Variants in UNC5D observed in about 807,000 individuals in gnomAD.
UNC5D encodes netrin receptor UNC5D.
In UNC5D, 39 loss-of-function variants were observed where a neutral mutation model predicts 105.4. The observed-to-expected ratio is 0.37, with a 90% CI of 0.29 to 0.48. UNC5D has a LOEUF of 0.48. Ranked by LOEUF, UNC5D falls within the 20% of genes least tolerant of loss-of-function variation. UNC5D has a pLI of 0.98. For synonymous variants in UNC5D, 452 were observed against 450.4 expected, an observed-to-expected ratio of 1.00 and a Z score of -0.04; for missense variants, 991 against 1,202.4, an observed-to-expected ratio of 0.82 and a Z score of 2.60.
intron 1 of UNC5D, among the ~76,000 whole-genome samples, chr8:35,421,545 G>A (rs983739792): frequency 3.9e-5 from 6 of 152,126 alleles, no homozygotes; most frequent in African/African-American, 9.7e-5. Flanking sequence ...AATAGGAATT[G>A]TTGGTAATTC....
intron 11 of UNC5D, among the ~76,000 whole-genome samples, chr8:35,733,476 C>T (rs1159955497): frequency 1.3e-5 from 2 of 152,140 alleles, no homozygotes; most frequent in Non-Finnish European, 2.9e-5. Flanking sequence ...CCGTTTTCCT[C>T]GAAGTTCATG....
intron 2 of UNC5D, among the ~76,000 whole-genome samples, chr8:35,566,214 G>T (rs1264974883): frequency 1.3e-5 from 2 of 151,036 alleles, no homozygotes; most frequent in Non-Finnish European, 2.9e-5. Context: ...ACCTCAAACT[G>T]CACATGGTGA....
At chr8:35,667,326 A>T (rs888558552) in intron 4 of UNC5D, among the ~76,000 whole-genome samples, 8 of 152,084 alleles carry the variant, frequency 5.3e-5, no homozygotes. Context: ...GTTAGATTAA[A>T]CTCTTACTAT....
At chr8:35,582,746 C>T (rs910102959) in intron 3 of UNC5D, among the ~76,000 whole-genome samples, 4 of 152,190 alleles carry the variant, frequency 2.6e-5, no homozygotes, top group African/African-American at 7.2e-5. Context: ...TTTCATCCCT[C>T]TCCAGGAGTG....
intron 4 of UNC5D, among the ~76,000 whole-genome samples, chr8:35,655,733 A>T (rs1469344353): frequency 6.6e-6 from 1 of 152,224 alleles, no homozygotes; most frequent in Non-Finnish European, 1.5e-5. Flanking sequence ...GAATAGCCAG[A>T]TGGAGAAGAA....
In UNC5D at chr8:35,463,337, A is replaced by T. The variant is rs561228547; in HGVS notation, c.104-85955A>T. Among the ~76,000 whole-genome samples the T allele has an allele frequency of 1.3e-3, 194 of 152,248 alleles. 1 individual carries two copies. Among genetic ancestry groups the T allele is most frequent in the African/African-American group, 4.3e-3 (179 of 41,544 alleles). ...TTTGAAGTCTCTAGAGCTAATATGG[A>T]AATACGACAGTTTTAAACAGTCTGT... On this transcript the variant is annotated intron_variant, in intron 1 of 16. Coordinates refer to ENST00000404895, the MANE Select transcript of UNC5D (RefSeq NM_080872.4).
intron 1 of UNC5D, among the ~76,000 whole-genome samples, chr8:35,256,964 T>C (rs3108623): frequency 1.5e-4 from 22 of 146,270 alleles, no homozygotes; most frequent in African/African-American, 5.6e-4. Context: ...TTTTTGTTTT[T>C]TTTTTTTTTT....
At chr8:35,623,199 C>T (rs979497797) in intron 4 of UNC5D, among the ~76,000 whole-genome samples, 2 of 152,068 alleles carry the variant, frequency 1.3e-5, no homozygotes, top group Non-Finnish European at 2.9e-5. Context: ...TTCTCTGCCA[C>T]GGCTATCAGA....
At chr8:35,607,435 T>A (rs1274322638) in intron 4 of UNC5D, among the ~76,000 whole-genome samples, 1 of 152,206 alleles carries the variant, frequency 6.6e-6, no homozygotes, top group East Asian at 1.9e-4. Context: ...GAGAAACTGT[T>A]CCATGCTTCT....
intron 8 of UNC5D, among the ~76,000 whole-genome samples, chr8:35,718,842 G>A (rs7842132): frequency 0.051 from 7,737 of 152,142 alleles, 536 homozygotes; most frequent in African/African-American, 0.15. Flanking sequence ...GGGGGTATAT[G>A]TTACACTGAC....
chr8:35,437,605 G>A (rs889438107), intron 1 of UNC5D, among the ~76,000 whole-genome samples: 6 of 151,962 alleles, frequency 3.9e-5, no homozygotes, highest in East Asian at 1.9e-4. Context: ...CTATAAAATC[G>A]TTCTTTCTCC....
At chr8:35,479,568 G>A (rs1810340615) in intron 1 of UNC5D, among the ~76,000 whole-genome samples, 1 of 152,118 alleles carries the variant, frequency 6.6e-6, no homozygotes, top group Non-Finnish European at 1.5e-5. Context: ...ACTGGATAAA[G>A]AAAATGTGGT....
At chr8:35,388,573 T>C (rs761501100) in intron 1 of UNC5D, among the ~76,000 whole-genome samples, 1 of 152,176 alleles carries the variant, frequency 6.6e-6, no homozygotes, top group Non-Finnish European at 1.5e-5. Context: ...AAAAGGGTTA[T>C]ATGGTCAAAC....
intron 1 of UNC5D, among the ~76,000 whole-genome samples, chr8:35,526,626 T>A (rs535209872): frequency 3.3e-5 from 5 of 152,294 alleles, no homozygotes; most frequent in African/African-American, 1.2e-4. Context: ...TCAAAATTAT[T>A]TCCAAGCACT....
rs575494386 is a variant in UNC5D at position 35,469,259 on chromosome 8, A to G, written c.104-80033A>G. The stretch of plus-strand genomic sequence containing the variant: ...AGATTTAAGCTTAGACAGCCCATTT[A>G]TGTTCTATGAGTCTCATTTCCTTCA... On this transcript the variant is annotated intron_variant, in intron 1 of 16. Transcript: ENST00000404895. 1.4e-3 allele frequency among the ~76,000 whole-genome samples: 207 copies of G among 152,288 alleles called. 2 individuals are homozygous for G. The highest frequency in any genetic ancestry group is 4.4e-3 in the East Asian group (23 of 5,180).
chr8:35,511,087 C>A (rs1314965008), intron 1 of UNC5D, among the ~76,000 whole-genome samples: 1 of 152,102 alleles, frequency 6.6e-6, no homozygotes, highest in African/African-American at 2.4e-5. Context: ...CAGGGACTTT[C>A]CTCTTCAAAA....
intron 1 of UNC5D, among the ~76,000 whole-genome samples, chr8:35,240,096 C>T (rs560879755): frequency 4.6e-5 from 7 of 151,984 alleles, no homozygotes; most frequent in South Asian, 2.1e-4. Context: ...TCATCACACC[C>T]GGCTCAGTAA....
intron 4 of UNC5D, among the ~76,000 whole-genome samples, chr8:35,663,872 T>C (rs923579770): frequency 1.3e-5 from 2 of 152,228 alleles, no homozygotes; most frequent in African/African-American, 4.8e-5. Flanking sequence ...TTTGAAAATA[T>C]GAGGTAAAGA....
intron 1 of UNC5D, among the ~76,000 whole-genome samples, chr8:35,236,308 AGTGTCT>A (rs1165728852): frequency 1.3e-5 from 2 of 152,054 alleles, no homozygotes; most frequent in Non-Finnish European, 2.9e-5. Flanking sequence ...AGGTGATGGG[AGTGTCT>A]GTAGGGTGGG....
Sources: allele counts gnomAD v4.1 joint callset (sites outside exome capture counted in the v4.1 genomes callset), GRCh38; gene constraint gnomAD v4.1.1; transcripts MANE v1.5; gene names NCBI Gene and HGNC (gene_info 2026-07-23, HGNC 2026-07-21).